The following SCARB2 variants were observed in gnomAD, a reference collection of about 807,000 sequenced individuals.
SCARB2 encodes scavenger receptor class B member 2, also known as lysosome membrane protein 2.
In SCARB2, 29 loss-of-function variants were observed where a neutral mutation model predicts 58.6. The ratio of observed to expected loss-of-function variants is 0.49; its 90% CI spans 0.37 to 0.67. The LOEUF is 0.67. SCARB2 is among the 30% of genes least tolerant of loss of function. The pLI is 0.00. For synonymous variants in SCARB2, 195 were observed against 210.1 expected (o/e 0.93, Z 0.62); for missense variants, 488 against 578.5 (o/e 0.84, Z 1.60).
chr4:76,171,462 C>T (rs941048683), intron 7 of SCARB2, among the ~76,000 whole-genome samples: 7 of 152,138 alleles, frequency 4.6e-5, no homozygotes, highest in Non-Finnish European at 1.0e-4. Context: ...GAACACTCAT[C>T]CTGCTATCCA....
In SCARB2 at chr4:76,179,607, G is replaced by A. The variant is rs375051752; in HGVS notation, c.522C>T (p.Asp174=). ...QQKLFVTHTV[D]ELLWGYKDEI... is the part of the protein sequence containing the mutation. ...CATCTTTGTAGCCCCAGAGCAATTC[G>A]TCAACTGTGTGAGTCACAAAGAGCT... The change falls in exon 4 of 12, where the codon GAC becomes GAT. Residue 174 remains aspartate, a synonymous_variant. Coordinates refer to ENST00000264896, the MANE Select transcript of SCARB2 (RefSeq NM_005506.4). 52 of 1,613,814 alleles carry A rather than the reference G, an allele frequency of 3.2e-5. No individual in the cohort carries two copies. The highest frequency in any genetic ancestry group is 3.1e-4 in the South Asian group (28 of 91,090).
intron 1 of SCARB2, among the ~76,000 whole-genome samples, chr4:76,218,984 A>G (rs558404793): frequency 2.9e-4 from 44 of 152,326 alleles, no homozygotes; most frequent in African/African-American, 1.1e-3. Context: ...AAACTGAGGC[A>G]CACAGAGATT....
At chr4:76,196,037 G>A (rs1300810576) in intron 1 of SCARB2, among the ~76,000 whole-genome samples, 173 bp from the exon 2 acceptor site, 1 of 152,190 alleles carries the variant, frequency 6.6e-6, no homozygotes, top group Non-Finnish European at 1.5e-5. Flanking sequence ...TACACCAATA[G>A]AGCCCACAGT....
At position 76,213,482 on chromosome 4, in the gene SCARB2, A is replaced by G. The variant is rs1733110932; in HGVS notation, c.62T>C (p.Val21Ala). The part of the protein sequence containing the change: ...TLSLLLLVTS[V>A]TLLVARVFQK... Reference sequence around the variant, plus strand: ...GAAGACCCGGGCCACCAGCAGCGTGACGCTGGTCACCAGCAGGAGCAGGGA... The same window carrying G: ...GAAGACCCGGGCCACCAGCAGCGTGGCGCTGGTCACCAGCAGGAGCAGGGA... Residue 21 changes from valine to alanine, a missense_variant, in exon 1 of 12, where the codon GTC (valine) becomes GCC (alanine). By Grantham distance (64) the Val-to-Ala change is moderately conservative. Transcript: ENST00000264896. 6.2e-7 allele frequency: 1 copy of G among 1,611,234 alleles called. No individual in the cohort carries two copies. The highest frequency in any genetic ancestry group is 8.5e-7 in the Non-Finnish European group (1 of 1,178,820).
intron 1 of SCARB2, among the ~76,000 whole-genome samples, chr4:76,231,339 C>T (rs1289665206): frequency 6.6e-6 from 1 of 152,244 alleles, no homozygotes; most frequent in Non-Finnish European, 1.5e-5. Flanking sequence ...CAGATTTTCA[C>T]ATTACCCATC....
At chr4:76,185,659 G>C (rs4859628) in intron 2 of SCARB2, among the ~76,000 whole-genome samples, 2 of 152,010 alleles carry the variant, frequency 1.3e-5, no homozygotes, top group Non-Finnish European at 2.9e-5. Context: ...AATTAACATC[G>C]GTATATCTAA....
At chr4:76,227,991 T>G (rs565346561) in intron 1 of SCARB2, among the ~76,000 whole-genome samples, 1 of 152,356 alleles carries the variant, frequency 6.6e-6, no homozygotes, top group African/African-American at 2.4e-5. Flanking sequence ...TCTGCCATTC[T>G]GTATCTTTTA....
intron 1 of SCARB2, among the ~76,000 whole-genome samples, chr4:76,229,826 G>T (rs1733462849): frequency 6.6e-6 from 1 of 152,228 alleles, no homozygotes; most frequent in African/African-American, 2.4e-5. Flanking sequence ...TATGCTAGCA[G>T]TGAAGTTTTT....
chr4:76,181,669 A>G (rs1256748010), intron 2 of SCARB2, among the ~76,000 whole-genome samples: 1 of 152,130 alleles, frequency 6.6e-6, no homozygotes, highest in East Asian at 1.9e-4. Context: ...GGCTCAAACA[A>G]TCCTCCCACC....
intron 1 of SCARB2, among the ~76,000 whole-genome samples, chr4:76,223,027 A>G (rs1733337321): frequency 6.6e-6 from 1 of 152,160 alleles, no homozygotes; most frequent in Non-Finnish European, 1.5e-5. Flanking sequence ...CAGACTAATG[A>G]TAATTGCACA....
chr4:76,199,569 T>C (rs1292697503), intron 1 of SCARB2, among the ~76,000 whole-genome samples: 1 of 145,482 alleles, frequency 6.9e-6, no homozygotes, highest in African/African-American at 2.8e-5. Context: ...GACAGACTCA[T>C]ACTAAAATGT....
intron 1 of SCARB2, chr4:76,213,217 T>A: frequency 1.7e-6 from 1 of 596,550 alleles, no homozygotes; most frequent in Middle Eastern, 4.0e-4. Flanking sequence ...ATAGCCTTAC[T>A]TATCACTGTA....
rs1337309508 is a variant in SCARB2 at position 76,195,750 on chromosome 4, C to T, written c.232G>A (p.Gly78Arg). The T allele has an allele frequency of 6.2e-7, 1 of 1,613,976 alleles. No individual in the cohort carries two copies. The highest frequency in any genetic ancestry group is 1.7e-5 in the Admixed American group (1 of 59,996). ...ACTTCTTCCACCCGAGGGGTCTCCC[C>T]TCTGAGGATCTCCTCTGGATTGGTG... ...NVTNPEEILRGETPRVEEVGP... is the reference protein window; with the variant it reads ...NVTNPEEILRRETPRVEEVGP... Residue 78 changes from glycine to arginine, a missense_variant, in exon 2 of 12, where the codon GGG becomes AGG. Coordinates refer to ENST00000264896, the MANE Select transcript of SCARB2 (RefSeq NM_005506.4).
intron 1 of SCARB2, among the ~76,000 whole-genome samples, chr4:76,198,908 G>A (rs1382165349): frequency 6.6e-6 from 1 of 151,960 alleles, no homozygotes; most frequent in Non-Finnish European, 1.5e-5. Flanking sequence ...AAGAGAGATG[G>A]GGAATGAGAG....
In SCARB2 at chr4:76,225,164, C is replaced by T. The variant is rs147175951; in HGVS notation, c.-358+9139G>A. On this transcript the variant is annotated intron_variant, in intron 1 of 11. Transcript: ENST00000638295. ...TAGTATTCCATAGTAAATATATATACCACATTTTCTTTATCCACTCGCACT... is the reference window on the plus strand; with the variant it reads ...TAGTATTCCATAGTAAATATATATATCACATTTTCTTTATCCACTCGCACT... Among the ~76,000 whole-genome samples the T allele has an allele frequency of 2.4e-3, 367 of 152,200 alleles. 2 individuals are homozygous for T. The highest frequency in any genetic ancestry group is 8.3e-3 in the African/African-American group (343 of 41,524).
chr4:76,174,468 G>A lies in SCARB2; in HGVS notation c.825-155C>T, dbSNP rs1004957741. ...TTGGAAGGCATTCTGTCAACTCAAC[G>A]TGTAATAAAGCAGAAGATGAATTGT... On this transcript the variant is annotated intron_variant, in intron 6 of 11. Coordinates refer to ENST00000264896, the MANE Select transcript of SCARB2 (RefSeq NM_005506.4). 11 of 677,106 alleles carry A rather than the reference G, an allele frequency of 1.6e-5. No individual in the cohort carries two copies. In the African/African-American group the frequency reaches 2.0e-4, roughly 12 times the overall value. 41.9% of individuals were successfully genotyped at this position (677,106 alleles called of 1,614,324 possible). A position where few individuals can be genotyped will look rare whatever the true frequency, so the allele number is the denominator to read the frequency against.
intron 7 of SCARB2, among the ~76,000 whole-genome samples, chr4:76,172,106 CAT>C (rs1170867262): frequency 2.0e-5 from 3 of 148,174 alleles, no homozygotes; most frequent in African/African-American, 4.9e-5. Context: ...TTAATATACT[CAT>C]ATATTAACAA....
chr4:76,211,299 C>T (rs1315214098), intron 1 of SCARB2, among the ~76,000 whole-genome samples: 1 of 152,140 alleles, frequency 6.6e-6, no homozygotes, highest in Non-Finnish European at 1.5e-5. Context: ...TCACTGTGCC[C>T]AAGTTAGCTA....
intron 9 of SCARB2, 21 bp downstream of exon 9, chr4:76,168,382 A>G: frequency 6.2e-7 from 1 of 1,604,642 alleles, no homozygotes; most frequent in South Asian, 1.1e-5. Context: ...TGTCCCCTCC[A>G]TAGAAAGAAG....
Sources: allele counts gnomAD v4.1 joint callset (sites outside exome capture counted in the v4.1 genomes callset), GRCh38; gene constraint gnomAD v4.1.1; transcripts MANE v1.5; gene names NCBI Gene and HGNC (gene_info 2026-07-23, HGNC 2026-07-21).